GRM5: variants seen among roughly 807,000 people sequenced by gnomAD.
GRM5 encodes the protein metabotropic glutamate receptor 5.
In GRM5, 19 loss-of-function variants were observed where a neutral mutation model predicts 83.1. The observed-to-expected ratio is 0.23, with a 90% CI of 0.16 to 0.34. The LOEUF (loss-of-function observed/expected upper bound fraction) is 0.34, where lower values mean the gene tolerates loss of function less well. GRM5 is among the 10% of genes least tolerant of loss of function. The probability of loss-of-function intolerance (pLI) is 1.00; values close to 1 mark genes in which losing one functional copy is unlikely to be tolerated. For missense variants in GRM5, 1,160 were observed against 1,588.3 expected (o/e 0.73, Z 4.58); for synonymous variants, 675 against 633.6 (o/e 1.07, Z -0.98).
chr11:88,691,127 G>A (rs1344518687), intron 3 of GRM5, among the ~76,000 whole-genome samples: 1 of 152,204 alleles, frequency 6.6e-6, no homozygotes. Flanking sequence ...GGGCTGGGAA[G>A]AGGGCTGGAT....
At chr11:88,924,146 A>AAAT (rs1945744714) in intron 2 of GRM5, among the ~76,000 whole-genome samples, 1 of 148,388 alleles carries the variant, frequency 6.7e-6, no homozygotes, top group African/African-American at 2.5e-5. Flanking sequence ...AAAAAAAAAA[A>AAAT]TAAGAAATAA....
intron 2 of GRM5, among the ~76,000 whole-genome samples, chr11:88,895,236 T>C (rs1249831316): frequency 1.3e-5 from 2 of 151,980 alleles, no homozygotes; most frequent in African/African-American, 2.4e-5. Context: ...GGGAAAGTGA[T>C]TTGTAACACA....
chr11:88,748,989 A>G (rs764150173), intron 3 of GRM5, among the ~76,000 whole-genome samples: 3 of 152,194 alleles, frequency 2.0e-5, no homozygotes, highest in Non-Finnish European at 4.4e-5. Context: ...AAAGATGAGA[A>G]AGAATCAACA....
intron 2 of GRM5, among the ~76,000 whole-genome samples, chr11:89,030,481 C>A (rs1462369109): frequency 1.3e-5 from 2 of 151,990 alleles, no homozygotes; most frequent in East Asian, 1.9e-4. Flanking sequence ...TAAATACGTT[C>A]TTTTATTTAA....
intron 2 of GRM5, among the ~76,000 whole-genome samples, chr11:88,865,419 T>A (rs1944645059): frequency 6.6e-6 from 1 of 152,122 alleles, no homozygotes; most frequent in Admixed American, 6.6e-5. Flanking sequence ...TCAAGATGGA[T>A]TAAAGACTTA....
intron 2 of GRM5, among the ~76,000 whole-genome samples, chr11:88,953,531 T>C (rs544167913): frequency 2.0e-5 from 3 of 152,318 alleles, no homozygotes; most frequent in South Asian, 2.1e-4. Flanking sequence ...TAAAGTCACA[T>C]AGGCTGACCT....
chr11:88,717,851 A>G lies in GRM5; in HGVS notation c.912-64448T>C, dbSNP rs113404560. On this transcript the variant is annotated intron_variant, in intron 3 of 9. Coordinates refer to ENST00000305447, the MANE Select transcript of GRM5 (RefSeq NM_001143831.3). ...CTGCTCAAAACATCTCTGTTTTCAT[A>G]TTTTCTATAATAACTATTTATAGTT... is the stretch of plus-strand genomic sequence containing the variant. Among the ~76,000 whole-genome samples the G allele has an allele frequency of 4.5e-3, 454 of 100,794 alleles. 2 individuals are homozygous for G. Among genetic ancestry groups the G allele is most frequent in the Non-Finnish European group, 8.5e-3 (368 of 43,264 alleles). The allele number at this position is 100,794 out of a possible 152,430, so 66.1% of individuals were successfully genotyped here.
intron 3 of GRM5, among the ~76,000 whole-genome samples, chr11:88,842,172 T>C (rs1200534156): frequency 1.3e-5 from 2 of 152,176 alleles, no homozygotes; most frequent in Non-Finnish European, 2.9e-5. Context: ...TATGTAAATA[T>C]TACATTCATT....
At chr11:88,823,525 T>TC in intron 3 of GRM5, among the ~76,000 whole-genome samples, 1 of 128,508 alleles carries the variant, frequency 7.8e-6, no homozygotes, top group East Asian at 2.4e-4. Flanking sequence ...TTAGGGGATT[T>TC]CAAAAAAAAA....
intron 4 of GRM5, among the ~76,000 whole-genome samples, chr11:88,620,969 C>A (rs1042797474): frequency 5.9e-5 from 9 of 152,150 alleles, no homozygotes; most frequent in African/African-American, 2.2e-4. Context: ...CTTCTCCGTG[C>A]AGAACATCAA....
chr11:88,685,474 G>C (rs1940596803), intron 3 of GRM5, among the ~76,000 whole-genome samples: 1 of 152,214 alleles, frequency 6.6e-6, no homozygotes. Context: ...ATTTTCTAAA[G>C]AGAAATTCAA....
chr11:88,940,293 G>A (rs11827191), intron 2 of GRM5, among the ~76,000 whole-genome samples: 17,095 of 146,788 alleles, frequency 0.12, 1,646 homozygotes, highest in East Asian at 0.26. Flanking sequence ...CTCACATAGT[G>A]TGATCTCATC....
chr11:88,882,465 G>A (rs890578006), intron 2 of GRM5, among the ~76,000 whole-genome samples: 19 of 150,664 alleles, frequency 1.3e-4, no homozygotes, highest in African/African-American at 4.6e-4. Context: ...GGAGGCTGGG[G>A]CAGGAGAATG....
intron 2 of GRM5, among the ~76,000 whole-genome samples, chr11:88,913,271 C>T (rs2000820): frequency 0.1 from 15,568 of 152,020 alleles, 1,225 homozygotes; most frequent in African/African-American, 0.2. Flanking sequence ...GTGATATCTC[C>T]TGTGCCTCTC....
chr11:88,897,084 T>A (rs1363439047), intron 2 of GRM5, among the ~76,000 whole-genome samples: 1 of 151,918 alleles, frequency 6.6e-6, no homozygotes, highest in Admixed American at 6.6e-5. Context: ...ATCAGTTCAA[T>A]CATGGATGGC....
At chr11:89,046,224 C>G (rs1479383141) in intron 2 of GRM5, among the ~76,000 whole-genome samples, 1 of 152,108 alleles carries the variant, frequency 6.6e-6, no homozygotes, top group Non-Finnish European at 1.5e-5. Flanking sequence ...GGGTTAGTAA[C>G]TTAATTCCAC....
chr11:88,789,361 A>G (rs1244031447), intron 3 of GRM5, among the ~76,000 whole-genome samples: 1 of 152,166 alleles, frequency 6.6e-6, no homozygotes, highest in African/African-American at 2.4e-5. Flanking sequence ...GCAAAGAAAA[A>G]AAAGAAAAAA....
At chr11:88,670,127 G>C (rs1940153289) in intron 3 of GRM5, among the ~76,000 whole-genome samples, 1 of 151,840 alleles carries the variant, frequency 6.6e-6, no homozygotes, top group African/African-American at 2.4e-5. Context: ...TCTAACAAAG[G>C]CAACACTGCA....
chr11:88,526,382 C>T (rs1035577093), intron 8 of GRM5, among the ~76,000 whole-genome samples: 1 of 152,136 alleles, frequency 6.6e-6, no homozygotes, highest in Non-Finnish European at 1.5e-5. Context: ...ACTGTTATTT[C>T]CATTTGCCAG....
Sources: allele counts gnomAD v4.1 joint callset (sites outside exome capture counted in the v4.1 genomes callset), GRCh38; gene constraint gnomAD v4.1.1; transcripts MANE v1.5; gene names NCBI Gene and HGNC (gene_info 2026-07-23, HGNC 2026-07-21).